Variants in DGKI observed in about 807,000 individuals in gnomAD.
DGKI encodes diacylglycerol kinase iota.
Under a neutral mutation model 147.5 loss-of-function variants are expected in DGKI, and 55 were observed. The observed-to-expected ratio is 0.37, with a 90% CI of 0.30 to 0.47. The LOEUF (loss-of-function observed/expected upper bound fraction) is 0.47, where lower values mean the gene tolerates loss of function less well. Among genes scored for constraint, DGKI ranks in the 20% least tolerant of loss-of-function variants. DGKI has a pLI of 1.00. For synonymous variants in DGKI, 469 were observed against 477.1 expected (o/e 0.98, Z 0.22); for missense variants, 1,007 against 1,323.8 (o/e 0.76, Z 3.71).
chr7:137,502,210 T>A (rs1373320820), intron 21 of DGKI, among the ~76,000 whole-genome samples: 1 of 152,122 alleles, frequency 6.6e-6, no homozygotes, highest in Non-Finnish European at 1.5e-5. Context: ...TTCAAGGAAG[T>A]AGCATTGAGA....
chr7:137,551,338 G>C (rs531857250), intron 20 of DGKI, among the ~76,000 whole-genome samples: 1 of 152,100 alleles, frequency 6.6e-6, no homozygotes, highest in Admixed American at 6.5e-5. Flanking sequence ...CACCTGTGTT[G>C]CTGGCTATTG....
At chr7:137,799,878 T>C (rs914846698) in intron 1 of DGKI, among the ~76,000 whole-genome samples, 1 of 152,262 alleles carries the variant, frequency 6.6e-6, no homozygotes. Flanking sequence ...AACCATGTAT[T>C]TGAAGCTTTT....
At chr7:137,791,645 G>A (rs1233167812) in intron 1 of DGKI, among the ~76,000 whole-genome samples, 1 of 152,174 alleles carries the variant, frequency 6.6e-6, no homozygotes, top group Non-Finnish European at 1.5e-5. Flanking sequence ...GAGATGCTCT[G>A]GTAATGAACA....
At chr7:137,692,863 G>T (rs1448694283) in intron 1 of DGKI, among the ~76,000 whole-genome samples, 1 of 151,842 alleles carries the variant, frequency 6.6e-6, no homozygotes, top group Non-Finnish European at 1.5e-5. Flanking sequence ...TTAATTAGGA[G>T]AAAAAAATAA....
chr7:137,494,831 T>A (rs1395794465), intron 21 of DGKI, among the ~76,000 whole-genome samples: 1 of 152,084 alleles, frequency 6.6e-6, no homozygotes, highest in East Asian at 1.9e-4. Flanking sequence ...AATGCTAACT[T>A]TGAATGTAAA....
intron 28 of DGKI, among the ~76,000 whole-genome samples, chr7:137,435,487 A>C (rs1045364086): frequency 5.3e-5 from 8 of 152,094 alleles, no homozygotes; most frequent in African/African-American, 1.7e-4. Context: ...AATAAAGACA[A>C]GAAAGGCGAG....
intron 1 of DGKI, among the ~76,000 whole-genome samples, chr7:137,753,694 A>C (rs1795587341): frequency 6.6e-6 from 1 of 152,152 alleles, no homozygotes; most frequent in Admixed American, 6.5e-5. Context: ...TCACATTCAA[A>C]ATCCAAGGTG....
chr7:137,681,038 C>A (rs1484478427), intron 2 of DGKI, among the ~76,000 whole-genome samples: 1 of 152,092 alleles, frequency 6.6e-6, no homozygotes, highest in Non-Finnish European at 1.5e-5. Flanking sequence ...CAGGAAGGGA[C>A]AAGAGAATGT....
At chr7:137,505,122 T>G (rs1662935354) in intron 21 of DGKI, among the ~76,000 whole-genome samples, 1 of 105,356 alleles carries the variant, frequency 9.5e-6, no homozygotes, top group South Asian at 3.8e-4. Context: ...CTGGGGCCTT[T>G]CTGGGGGTGG....
intron 5 of DGKI, among the ~76,000 whole-genome samples, chr7:137,648,903 AT>A (rs2129009651): frequency 6.6e-6 from 1 of 152,284 alleles, no homozygotes; most frequent in African/African-American, 2.4e-5. Flanking sequence ...TTTATTAAAT[AT>A]TTTTAATATC....
chr7:137,846,665 C>T lies in DGKI; in HGVS notation c.198G>A (p.Thr66=). ...CGCTTCCGCTGCTGCTGCTGCCGCC[C>T]GTCGCCCCTTTCTCCTCTCCCGCCG... ...SSSAGEEKGA[T]GGSSSSGSGA... The change falls in exon 1 of 33, where the codon ACG becomes ACA. Residue 66 remains threonine (T), a synonymous_variant. Coordinates refer to ENST00000614521, the MANE Select transcript of DGKI (RefSeq NM_001321708.2). This position sits in a 1 kb window ranked among gnomAD's most constrained non-coding sequence, Gnocchi z 4.0. 4 of 1,073,114 alleles carry T rather than the reference C, an allele frequency of 3.7e-6. No individual in the cohort carries two copies. The highest frequency in any genetic ancestry group is 4.5e-6 in the Non-Finnish European group (4 of 884,686). 66.5% of individuals were successfully genotyped at this position (1,073,114 alleles called of 1,614,324 possible).
chr7:137,765,571 G>T (rs894018928), intron 1 of DGKI, among the ~76,000 whole-genome samples: 1 of 152,126 alleles, frequency 6.6e-6, no homozygotes, highest in African/African-American at 2.4e-5. Flanking sequence ...TCCTTGTCTT[G>T]TCTGTGATGT....
intron 29 of DGKI, 103 bp from the exon 30 acceptor site, chr7:137,408,098 C>G: frequency 7.1e-7 from 1 of 1,417,232 alleles, no homozygotes; most frequent in South Asian, 1.3e-5. Flanking sequence ...CACAATGTTT[C>G]CAGCCTTAGA....
intron 27 of DGKI, 48 bp downstream of exon 27, chr7:137,463,441 C>A: frequency 6.2e-7 from 1 of 1,604,576 alleles, no homozygotes; most frequent in Non-Finnish European, 8.5e-7. Context: ...CATCCTCTCC[C>A]AGCAATCACA....
At chr7:137,656,193 G>A (rs888606162) in intron 4 of DGKI, among the ~76,000 whole-genome samples, 9 of 152,216 alleles carry the variant, frequency 5.9e-5, no homozygotes, top group African/African-American at 1.7e-4. Flanking sequence ...GATATAATAA[G>A]AGAATCAGTG....
intron 1 of DGKI, among the ~76,000 whole-genome samples, chr7:137,806,226 T>C (rs988923014): frequency 2.6e-5 from 4 of 152,208 alleles, no homozygotes; most frequent in African/African-American, 9.7e-5. Context: ...GCTGAATGAC[T>C]TGCAACTTGC....
At chr7:137,591,122 C>T (rs1050523244) in intron 12 of DGKI, among the ~76,000 whole-genome samples, 1 of 152,212 alleles carries the variant, frequency 6.6e-6, no homozygotes, top group Non-Finnish European at 1.5e-5. Context: ...CACAGGGTGC[C>T]TGGATTTCTC....
In DGKI at chr7:137,539,650, T is replaced by C. The variant is rs530258696; in HGVS notation, c.2147+12719A>G. ...AACTTGTGGCCTGAACTTGAGTCAA[T>C]TGCATACTGAAGCAAATAAATAAAA... On this transcript the variant is annotated intron_variant, in intron 20 of 32. Coordinates refer to ENST00000614521, the MANE Select transcript of DGKI (RefSeq NM_001321708.2). 9.2e-5 allele frequency among the ~76,000 whole-genome samples: 14 copies of C among 151,870 alleles called. No homozygotes were observed. In the South Asian group the frequency reaches 2.7e-3, roughly 29 times the overall value.
intron 4 of DGKI, among the ~76,000 whole-genome samples, chr7:137,655,396 C>T (rs1219209209): frequency 6.6e-6 from 1 of 152,078 alleles, no homozygotes; most frequent in Non-Finnish European, 1.5e-5. Context: ...GACGGGGTTT[C>T]ACCGTGTTAG....
Sources: gnomAD v4.1 joint callset for allele counts (sites outside exome capture counted in the v4.1 genomes callset) on GRCh38, gnomAD v4.1.1 for gene constraint, Gnocchi (gnomAD v3.1) non-coding constraint, MANE v1.5 for transcripts, NCBI Gene and HGNC (gene_info 2026-07-23, HGNC 2026-07-21) for gene names.